The following NPHS2 variants were observed in gnomAD, a reference collection of about 807,000 sequenced individuals.
NPHS2 encodes NPHS2 stomatin family member, podocin.
Under a neutral mutation model 37.1 loss-of-function variants are expected in NPHS2, and 36 were observed. That is an observed-to-expected ratio of 0.97 (90% confidence interval 0.74 to 1.28). The LOEUF (loss-of-function observed/expected upper bound fraction) is 1.28, where lower values mean the gene tolerates loss of function less well. Among genes scored for constraint, NPHS2 ranks in the 50% most tolerant of loss-of-function variants. The probability of loss-of-function intolerance (pLI) is 0.00; values close to 1 mark genes in which losing one functional copy is unlikely to be tolerated. For missense variants in NPHS2, 447 were observed against 488.1 expected (o/e 0.92, Z 0.79); for synonymous variants, 196 against 189.3 (o/e 1.04, Z -0.29).
chr1:179,557,087 T>G lies in NPHS2; in HGVS notation c.678A>C (p.Leu226=). ...FLVQTTMKRL[L]AHRSLTEILL... is the part of the protein sequence containing the mutation. Reference sequence around the variant, plus strand: ...GAATTTCAGTGAGGGATCGATGTGCTAGGAGACGCTTCATAGTGGTTTGCA... The same window carrying G: ...GAATTTCAGTGAGGGATCGATGTGCGAGGAGACGCTTCATAGTGGTTTGCA... The change falls in exon 5 of 8, where the codon CTA becomes CTC. Residue 226 remains leucine (L), a synonymous_variant. Transcript: ENST00000367615. 6.2e-7 allele frequency: 1 copy of G among 1,614,096 alleles called. No homozygotes were observed. Among genetic ancestry groups the G allele is most frequent in the Non-Finnish European group, 8.5e-7 (1 of 1,179,978 alleles).
At position 179,552,529 on chromosome 1, in the gene NPHS2, G is replaced by A. The variant is rs1279901898; in HGVS notation, c.873+74C>T. 19 of 1,170,802 alleles carry A rather than the reference G, an allele frequency of 1.6e-5. No homozygotes were observed. In the East Asian group the frequency reaches 4.3e-4, roughly 26 times the overall value. The allele number at this position is 1,170,802 out of a possible 1,614,324, so 72.5% of individuals were successfully genotyped here. Reference sequence around the variant, plus strand: ...CAGTGCCTAATGAATGGACAGTAAGGAAGCAAAGGGGAAATGTTCTCCACG... The same window carrying A: ...CAGTGCCTAATGAATGGACAGTAAGAAAGCAAAGGGGAAATGTTCTCCACG... On this transcript the variant is annotated intron_variant, in intron 7 of 7. Coordinates refer to ENST00000367615, the MANE Select transcript of NPHS2 (RefSeq NM_014625.4).
intron 2 of NPHS2, among the ~76,000 whole-genome samples, chr1:179,564,372 A>G (rs887199200): frequency 2.0e-5 from 3 of 152,206 alleles, no homozygotes; most frequent in Non-Finnish European, 4.4e-5. Context: ...AGTGGATGTC[A>G]TGATCCATTC....
Position 179,575,616 on chromosome 1 carries a change from C to G in NPHS2, c.249G>C (p.Leu83=), listed in dbSNP as rs1219227668. ...SGEEGTEVVA[L]LESERPEEGT... is the part of the protein sequence containing the mutation. ...CTTCCTCGGGCCGCTCGCTCTCCAA[C>G]AGCGCCACCACCTCGGTGCCCTCCT... The change falls in exon 1 of 8, where the codon CTG becomes CTC. Residue 83 remains leucine (L), a synonymous_variant. Coordinates refer to ENST00000367615, the MANE Select transcript of NPHS2 (RefSeq NM_014625.4). 6.2e-7 allele frequency: 1 copy of G among 1,603,154 alleles called. No individual in the cohort carries two copies. The highest frequency in any genetic ancestry group is 8.5e-7 in the Non-Finnish European group (1 of 1,179,864).
chr1:179,553,712 T>C (rs1673645558), intron 6 of NPHS2, among the ~76,000 whole-genome samples: 1 of 152,172 alleles, frequency 6.6e-6, no homozygotes, highest in Admixed American at 6.5e-5. Flanking sequence ...TATATTATAC[T>C]AAAACCACAG....
In NPHS2 at chr1:179,554,536, G is replaced by A; in HGVS notation, c.739-5C>T. 3.7e-6 allele frequency: 6 copies of A among 1,614,104 alleles called. No homozygotes were observed. Among genetic ancestry groups the A allele is most frequent in the Non-Finnish European group, 5.1e-6 (6 of 1,180,002 alleles). Reference sequence around the variant, plus strand: ...GGTCACTGAATCCAAGGCAACCTGTGGAAAGAAGAATTCAGATGTCAGTGG... The same window carrying A: ...GGTCACTGAATCCAAGGCAACCTGTAGAAAGAAGAATTCAGATGTCAGTGG... On this transcript the variant is annotated splice_region_variant and splice_polypyrimidine_tract_variant and intron_variant, in intron 5 of 7. Transcript: ENST00000367615.
In NPHS2 at chr1:179,556,990, T is replaced by C. The variant is rs1673953473; in HGVS notation, c.738+37A>G. 5 of 1,506,088 alleles carry C rather than the reference T, an allele frequency of 3.3e-6. No individual in the cohort carries two copies. The highest frequency in any genetic ancestry group is 2.8e-5 in the African/African-American group (2 of 72,620). 93.3% of individuals were successfully genotyped at this position (1,506,088 alleles called of 1,614,324 possible). ...AATGAACAAATGAATAAAAGATAAA[T>C]ATTTCAGCATATTGGCCATTATGTT... On this transcript the variant is annotated intron_variant, in intron 5 of 7. Transcript: ENST00000367615. This position sits in a 1 kb window ranked among gnomAD's most constrained non-coding sequence, Gnocchi z 4.1.
In NPHS2 at chr1:179,556,896, T is replaced by C; in HGVS notation, c.738+131A>G. ...AGAGTCAATTTGGCAACCTCCTAACTAGCTATGAGCTCCCAAAGGGATGGC... is the reference window on the plus strand; with the variant it reads ...AGAGTCAATTTGGCAACCTCCTAACCAGCTATGAGCTCCCAAAGGGATGGC... On this transcript the variant is annotated intron_variant, in intron 5 of 7. Transcript: ENST00000367615. The surrounding 1 kb of genome is among the most constrained non-coding windows in gnomAD (Gnocchi z 4.1). 1.2e-6 allele frequency: 1 copy of C among 847,986 alleles called. No homozygotes were observed. 52.5% of individuals were successfully genotyped at this position (847,986 alleles called of 1,614,324 possible). A position where few individuals can be genotyped will look rare whatever the true frequency, so the allele number is the denominator to read the frequency against.
chr1:179,551,119 C>G lies in NPHS2; in HGVS notation c.*54G>C, dbSNP rs1410591. On this transcript the variant is annotated 3_prime_UTR_variant, in exon 8 of 8. Coordinates refer to ENST00000367615, the MANE Select transcript of NPHS2 (RefSeq NM_014625.4). ...ATGAGGACAGAGTGTCTCCCTCAGG[C>G]ATGTGACTTTTCTATGGCAGGCCCC... The G allele has an allele frequency of 0.62, 995,158 of 1,607,334 alleles. 309,162 individuals carry two copies. The highest frequency in any genetic ancestry group is 0.66 in the Admixed American group (39,403 of 59,926).
chr1:179,558,732 C>A (rs1158360465), intron 4 of NPHS2, among the ~76,000 whole-genome samples: 1 of 152,068 alleles, frequency 6.6e-6, no homozygotes, highest in African/African-American at 2.4e-5. Flanking sequence ...TTGTCTACAT[C>A]CTCTTCAACA....
intron 2 of NPHS2, 130 bp downstream of exon 2, chr1:179,564,560 A>T: frequency 1.2e-6 from 1 of 805,778 alleles, no homozygotes; most frequent in African/African-American, 1.7e-5. Flanking sequence ...CTATCCTGGA[A>T]GGTGAGTCTG....
chr1:179,571,897 T>G (rs985492124), intron 1 of NPHS2, among the ~76,000 whole-genome samples: 2 of 152,306 alleles, frequency 1.3e-5, no homozygotes, highest in East Asian at 3.9e-4. Context: ...AGGATCACCT[T>G]GTCTGCAGGT....
Position 179,567,541 on chromosome 1 carries a change from A to G in NPHS2, c.275-2748T>C, listed in dbSNP as rs149532238. ...GGACAATTTGACTTCCTCTTTTCCT[A>G]ACTGAATACCCTTTATTTCTTTCTG... On this transcript the variant is annotated intron_variant, in intron 1 of 7. Coordinates refer to ENST00000367615, the MANE Select transcript of NPHS2 (RefSeq NM_014625.4). Among the ~76,000 whole-genome samples, 1,514 of 152,214 alleles carry G rather than the reference A, an allele frequency of 9.9e-3. 21 individuals carry two copies. Among genetic ancestry groups the G allele is most frequent in the African/African-American group, 0.035 (1,439 of 41,516 alleles).
At position 179,561,281 on chromosome 1, in the gene NPHS2, T is replaced by A. The variant is rs1674124902; in HGVS notation, c.451+8A>T. On this transcript the variant is annotated splice_region_variant and intron_variant, in intron 3 of 7. Coordinates refer to ENST00000367615, the MANE Select transcript of NPHS2 (RefSeq NM_014625.4). ...GAGGTGTTTAGAAAAAAAAGAGTGT[T>A]TTTTTACCAGGGCCTTTGGCTCTTC... The A allele has an allele frequency of 6.2e-7, 1 of 1,610,704 alleles. No individual in the cohort carries two copies. The highest frequency in any genetic ancestry group is 8.5e-7 in the Non-Finnish European group (1 of 1,176,890).
At chr1:179,560,588 A>G (rs1175893931) in intron 3 of NPHS2, among the ~76,000 whole-genome samples, 1 of 151,738 alleles carries the variant, frequency 6.6e-6, no homozygotes, top group African/African-American at 2.4e-5. Flanking sequence ...ATTTGTCCCT[A>G]GTCTGGTCTC....
rs1218285241 is a variant in NPHS2, at chr1:179,568,411, A to AT, written c.275-3619dup. Among the ~76,000 whole-genome samples, 3 of 152,086 alleles carry AT rather than the reference A, an allele frequency of 2.0e-5. No homozygotes were observed. In the East Asian group the frequency reaches 5.8e-4, roughly 29 times the overall value. On this transcript the variant is annotated intron_variant, in intron 1 of 7. Coordinates refer to ENST00000367615, the MANE Select transcript of NPHS2 (RefSeq NM_014625.4). ...GATAGGTGGTGATATCCTCTTTATC[A>AT]TTTTTTATTGCATCTATTTGAATCT...
At chr1:179,560,166 T>C (rs1445366346) in intron 3 of NPHS2, among the ~76,000 whole-genome samples, 1 of 152,134 alleles carries the variant, frequency 6.6e-6, no homozygotes, top group Non-Finnish European at 1.5e-5. Context: ...TGTACCCAGG[T>C]GTCAAACTTT....
At chr1:179,564,085 A>G (rs879628002) in intron 2 of NPHS2, among the ~76,000 whole-genome samples, 3 of 152,148 alleles carry the variant, frequency 2.0e-5, no homozygotes, top group Admixed American at 1.3e-4. Flanking sequence ...TTTCTGCCCA[A>G]TCCTTTCTTC....
At chr1:179,561,217 C>T in intron 3 of NPHS2, 72 bp downstream of exon 3, 1 of 1,059,558 alleles carries the variant, frequency 9.4e-7, no homozygotes, top group Non-Finnish European at 1.5e-6. Context: ...GTCCATATTA[C>T]AAATCTGCAT....
Position 179,556,915 on chromosome 1 carries a change from G to T in NPHS2, c.738+112C>A. 1 of 1,038,478 alleles carries T rather than the reference G, an allele frequency of 9.6e-7. No homozygotes were observed. Among genetic ancestry groups the T allele is most frequent in the Non-Finnish European group, 1.4e-6 (1 of 691,702 alleles). 64.3% of individuals were successfully genotyped at this position (1,038,478 alleles called of 1,614,324 possible). A position where few individuals can be genotyped will look rare whatever the true frequency, so the allele number is the denominator to read the frequency against. ...CCTAACTAGCTATGAGCTCCCAAAGGGATGGCCCCTAAGGGATGGAACTGG... is the reference window on the plus strand; with the variant it reads ...CCTAACTAGCTATGAGCTCCCAAAGTGATGGCCCCTAAGGGATGGAACTGG... On this transcript the variant is annotated intron_variant, in intron 5 of 7. Coordinates refer to ENST00000367615, the MANE Select transcript of NPHS2 (RefSeq NM_014625.4). This position sits in a 1 kb window ranked among gnomAD's most constrained non-coding sequence, Gnocchi z 4.1.
Sources: allele counts gnomAD v4.1 joint callset (sites outside exome capture counted in the v4.1 genomes callset), GRCh38; gene constraint gnomAD v4.1.1; non-coding constraint Gnocchi (gnomAD v3.1); transcripts MANE v1.5; gene names NCBI Gene and HGNC (gene_info 2026-07-23, HGNC 2026-07-21).